PACRG: variants seen among roughly 807,000 people sequenced by gnomAD.
PACRG encodes the protein parkin coregulated, also known as parkin coregulated gene protein.
In PACRG, 29 loss-of-function variants were observed where a neutral mutation model predicts 29.7. The observed-to-expected ratio is 0.98, with a 90% CI of 0.73 to 1.33. The LOEUF is 1.33. Ranked by LOEUF, PACRG falls within the 40% of genes most tolerant of loss-of-function variation. The pLI, the probability that PACRG is intolerant of heterozygous loss-of-function variation, is 0.00. For synonymous variants in PACRG, 116 were observed against 118.7 expected, an observed-to-expected ratio of 0.98 and a Z score of 0.15; for missense variants, 279 against 316.2, an observed-to-expected ratio of 0.88 and a Z score of 0.89.
chr6:162,774,520 G>T (rs1172863507), intron 1 of PACRG, among the ~76,000 whole-genome samples: 2 of 152,098 alleles, frequency 1.3e-5, no homozygotes, highest in Admixed American at 1.3e-4. Flanking sequence ...GGAATTTTTT[G>T]CATGTGTGAT....
intron 4 of PACRG, among the ~76,000 whole-genome samples, chr6:163,274,674 C>A (rs1264258461): frequency 3.3e-5 from 5 of 152,128 alleles, no homozygotes; most frequent in Non-Finnish European, 5.9e-5. Context: ...CCTATTTCTC[C>A]ACATCCTCTC....
intron 4 of PACRG, among the ~76,000 whole-genome samples, chr6:163,206,789 C>G (rs2128152281): frequency 1.5e-5 from 1 of 65,994 alleles, no homozygotes; most frequent in African/African-American, 1.1e-4. Context: ...TTAAGTTTCC[C>G]CAGAGAAGCT....
intron 4 of PACRG, among the ~76,000 whole-genome samples, chr6:163,153,123 T>G (rs1273136709): frequency 6.6e-6 from 1 of 152,236 alleles, no homozygotes; most frequent in African/African-American, 2.4e-5. Flanking sequence ...GGGTAGAAAC[T>G]TTTCTATCCT....
chr6:163,133,932 C>A (rs1816831883), intron 4 of PACRG, among the ~76,000 whole-genome samples: 1 of 152,184 alleles, frequency 6.6e-6, no homozygotes, highest in Non-Finnish European at 1.5e-5. Context: ...CGTGCAATCA[C>A]TGAAACTAAC....
intron 4 of PACRG, among the ~76,000 whole-genome samples, chr6:163,186,499 G>A (rs1779942452): frequency 6.6e-6 from 1 of 152,164 alleles, no homozygotes; most frequent in Non-Finnish European, 1.5e-5. Context: ...TGGGGCCAGT[G>A]TGGTGGAGAG....
intron 2 of PACRG, among the ~76,000 whole-genome samples, chr6:162,905,330 G>A (rs540481462): frequency 6.6e-5 from 10 of 152,252 alleles, no homozygotes; most frequent in Admixed American, 6.5e-4. Context: ...AAGATGGAAA[G>A]GATGCTTTCT....
At chr6:162,802,395 A>G (rs890398042) in intron 1 of PACRG, among the ~76,000 whole-genome samples, 45 of 152,094 alleles carry the variant, frequency 3.0e-4, no homozygotes, top group African/African-American at 1.0e-3. Flanking sequence ...TGAAAAACTT[A>G]CTCTGCACTT....
At chr6:163,240,029 C>T (rs1392884711) in intron 4 of PACRG, among the ~76,000 whole-genome samples, 1 of 150,376 alleles carries the variant, frequency 6.6e-6, no homozygotes. Flanking sequence ...TACACACACC[C>T]TCACCCCTAC....
chr6:163,013,936 A>G (rs1805851619), intron 2 of PACRG, among the ~76,000 whole-genome samples: 2 of 151,662 alleles, frequency 1.3e-5, no homozygotes, highest in Admixed American at 1.3e-4. Context: ...AGCATACCTG[A>G]TGAAAAATTA....
chr6:162,803,218 G>A (rs1374533351), intron 1 of PACRG, among the ~76,000 whole-genome samples: 1 of 152,178 alleles, frequency 6.6e-6, no homozygotes, highest in Non-Finnish European at 1.5e-5. Context: ...GAAAAGGAAG[G>A]AGAAAAGAAA....
At chr6:163,264,802 A>C (rs1783467047) in intron 4 of PACRG, among the ~76,000 whole-genome samples, 1 of 152,120 alleles carries the variant, frequency 6.6e-6, no homozygotes, top group South Asian at 2.1e-4. Flanking sequence ...GATAAGGGAG[A>C]AGCTGCCTCT....
rs1584603027 is a variant in PACRG at position 162,870,920 on chromosome 6, G to A, written c.291+56639G>A. Among the ~76,000 whole-genome samples the A allele has an allele frequency of 2.0e-5, 3 of 151,966 alleles. No homozygotes were observed. The Middle Eastern group carries it at 0.01, about 517-fold the overall frequency. On this transcript the variant is annotated intron_variant, in intron 2 of 4. Transcript: ENST00000366888. ...TCTTGTTTCTTTTCTTTCATGCATT[G>A]AAAATTGACTGGGGCACCATTTTCA...
At chr6:162,920,981 CTATTA>C (rs1329310459) in intron 2 of PACRG, among the ~76,000 whole-genome samples, 1 of 152,044 alleles carries the variant, frequency 6.6e-6, no homozygotes, top group African/African-American at 2.4e-5. Context: ...AATAATGTAT[CTATTA>C]TATTTTATGT....
At chr6:163,145,548 T>C (rs1479263471) in intron 4 of PACRG, among the ~76,000 whole-genome samples, 2 of 152,314 alleles carry the variant, frequency 1.3e-5, no homozygotes, top group South Asian at 2.1e-4. Flanking sequence ...GGGATGATTT[T>C]CCCTCCCAGG....
intron 4 of PACRG, among the ~76,000 whole-genome samples, chr6:163,297,200 G>C (rs1342395991): frequency 6.6e-6 from 1 of 152,176 alleles, no homozygotes; most frequent in Non-Finnish European, 1.5e-5. Context: ...ATTCACTAAA[G>C]AGGGTGAACA....
chr6:163,060,105 A>C (rs1242363144), intron 2 of PACRG, among the ~76,000 whole-genome samples: 1 of 152,184 alleles, frequency 6.6e-6, no homozygotes, highest in Non-Finnish European at 1.5e-5. Context: ...TAAATAAAAA[A>C]CAACAACCGA....
Position 163,116,631 on chromosome 6 carries a change from G to A in PACRG, c.613+27223G>A, listed in dbSNP as rs926566686. ...TTAGCAAAGGTCTTTTGAAAGAAACGAGTGTAGATGTTTGCTCATGGCACT... is the reference window on the plus strand; with the variant it reads ...TTAGCAAAGGTCTTTTGAAAGAAACAAGTGTAGATGTTTGCTCATGGCACT... On this transcript the variant is annotated intron_variant, in intron 4 of 4. Coordinates refer to ENST00000366888, the MANE Select transcript of PACRG (RefSeq NM_001080379.2). Among the ~76,000 whole-genome samples, 10 of 145,168 alleles carry A rather than the reference G, an allele frequency of 6.9e-5. 1 individual carries two copies. The highest frequency in any genetic ancestry group is 2.9e-4 in the African/African-American group (10 of 34,868).
intron 2 of PACRG, among the ~76,000 whole-genome samples, chr6:162,973,692 AAAG>A (rs1479736637): frequency 3.0e-4 from 45 of 152,250 alleles, no homozygotes; most frequent in African/African-American, 7.7e-4. Flanking sequence ...TTGTTTCAAT[AAAG>A]AAGAACTAAA....
chr6:163,178,701 G>A (rs978413048), intron 4 of PACRG, among the ~76,000 whole-genome samples: 14 of 152,222 alleles, frequency 9.2e-5, no homozygotes, highest in African/African-American at 3.1e-4. Flanking sequence ...CAACATTAAT[G>A]AAACTGCTAG....
Sources: allele counts gnomAD v4.1 joint callset (sites outside exome capture counted in the v4.1 genomes callset), GRCh38; gene constraint gnomAD v4.1.1; transcripts MANE v1.5; gene names NCBI Gene and HGNC (gene_info 2026-07-23, HGNC 2026-07-21).